GRAMD4: variants seen among roughly 807,000 people sequenced by gnomAD.
GRAMD4 encodes the protein GRAM domain containing 4, also known as GRAM domain-containing protein 4.
In GRAMD4, 25 loss-of-function variants were observed where a neutral mutation model predicts 83.9. That is an observed-to-expected ratio of 0.30 (90% CI 0.22 to 0.42). The LOEUF (loss-of-function observed/expected upper bound fraction) is 0.42, where lower values mean the gene tolerates loss of function less well. GRAMD4 is among the 10% of genes least tolerant of loss of function. The pLI is 1.00. For synonymous variants in GRAMD4, 336 were observed against 320.9 expected, an observed-to-expected ratio of 1.05 and a Z score of -0.50; for missense variants, 593 against 788.7, an observed-to-expected ratio of 0.75 and a Z score of 2.97.
chr22:46,670,813 C>T (rs956859470), intron 13 of GRAMD4, among the ~76,000 whole-genome samples: 3 of 152,090 alleles, frequency 2.0e-5, no homozygotes, highest in Non-Finnish European at 2.9e-5. Flanking sequence ...ACCATGTTGG[C>T]CAGGCTGGTA....
At chr22:46,631,245 GCCACCT>G (rs535882584) in intron 2 of GRAMD4, among the ~76,000 whole-genome samples, 124 of 152,218 alleles carry the variant, frequency 8.1e-4, no homozygotes, top group African/African-American at 2.3e-3. Context: ...TGCCACCATC[GCCACCT>G]CCACCTCCAC....
intron 1 of GRAMD4, among the ~76,000 whole-genome samples, chr22:46,581,448 G>A (rs909669179): frequency 6.6e-6 from 1 of 152,250 alleles, no homozygotes; most frequent in African/African-American, 2.4e-5. Flanking sequence ...GCACGTGGGT[G>A]GCTTTGCCCC....
chr22:46,657,819 T>G (rs934194440), intron 3 of GRAMD4, among the ~76,000 whole-genome samples: 6 of 152,130 alleles, frequency 3.9e-5, no homozygotes, highest in Non-Finnish European at 5.9e-5. Context: ...GCTGGCCAGG[T>G]GTGGTCAGCG....
In GRAMD4 at chr22:46,677,887, A is replaced by G; in HGVS notation, c.*636A>G. 1.0e-6 allele frequency: 1 copy of G among 985,152 alleles called. No homozygotes were observed. Among genetic ancestry groups the G allele is most frequent in the Non-Finnish European group, 1.2e-6 (1 of 829,658 alleles). The allele number at this position is 985,152 out of a possible 1,614,324, so 61.0% of individuals were successfully genotyped here. A position where few individuals can be genotyped will look rare whatever the true frequency, so the allele number is the denominator to read the frequency against. ...TCGCTCCACGGGAACAGAGAGGGTG[A>G]GAAGGGCCCACCCCTCGCCTGCCCT... On this transcript the variant is annotated 3_prime_UTR_variant, in exon 19 of 19. Transcript: ENST00000406902.
intron 1 of GRAMD4, among the ~76,000 whole-genome samples, chr22:46,614,878 C>CGTGTAGGTTCCCCTGTGT: frequency 7.1e-6 from 1 of 141,424 alleles, no homozygotes; most frequent in East Asian, 2.2e-4. Context: ...TTCCCCTGTG[C>CGTGTAGGTTCCCCTGTGT]GTGTAGGTTC....
chr22:46,648,779 GATGGATGGATGGATGGATGGATGC>G, intron 3 of GRAMD4, among the ~76,000 whole-genome samples: 1 of 123,290 alleles, frequency 8.1e-6, no homozygotes, highest in African/African-American at 3.4e-5. Context: ...TGGATGGATG[GATGGATGGATGGATGGATGGATGC>G]ATGGATGGAT....
chr22:46,627,083 C>A, intron 2 of GRAMD4, 122 bp downstream of exon 2: 1 of 698,804 alleles, frequency 1.4e-6, no homozygotes, highest in Non-Finnish European at 2.5e-6. Context: ...ATGGACTGGG[C>A]CTGACTCTCT....
At chr22:46,630,159 G>C (rs2081745456) in intron 2 of GRAMD4, among the ~76,000 whole-genome samples, 1 of 151,912 alleles carries the variant, frequency 6.6e-6, no homozygotes, top group South Asian at 2.1e-4. Flanking sequence ...TAAGTAGCTG[G>C]GATTACAGGC....
upstream of GRAMD4, among the ~76,000 whole-genome samples, chr22:46,616,136 G>C (rs1471712636): frequency 7.0e-6 from 1 of 142,060 alleles, no homozygotes; most frequent in Non-Finnish European, 1.5e-5. Context: ...AGGTTCCCCT[G>C]TGTGTAGGTT....
intron 2 of GRAMD4, among the ~76,000 whole-genome samples, chr22:46,631,080 C>T (rs890021559): frequency 5.3e-5 from 8 of 152,258 alleles, no homozygotes; most frequent in East Asian, 1.9e-4. Flanking sequence ...GTAGGTTGCA[C>T]GGCTTTTATT....
At chr22:46,614,895 GCATGTAGGTTCCCC>G (rs2081457797) in intron 1 of GRAMD4, among the ~76,000 whole-genome samples, 1 of 11,360 alleles carries the variant, frequency 8.8e-5, no homozygotes, top group South Asian at 3.6e-3. Context: ...GTTCCCCTGT[GCATGTAGGTTCCCC>G]TGTGCGTCTG....
chr22:46,578,034 TG>T (rs1218020751), intron 1 of GRAMD4, among the ~76,000 whole-genome samples: 1 of 152,140 alleles, frequency 6.6e-6, no homozygotes, highest in Non-Finnish European at 1.5e-5. Context: ...CTGTTGGCTG[TG>T]TGGCAGAAGG....
At chr22:46,614,658 G>A (rs1225707185) in intron 1 of GRAMD4, among the ~76,000 whole-genome samples, 1 of 152,120 alleles carries the variant, frequency 6.6e-6, no homozygotes, top group African/African-American at 2.4e-5. Context: ...GTGGGAGTCA[G>A]TTGGCTGTCC....
intron 6 of GRAMD4, among the ~76,000 whole-genome samples, chr22:46,663,590 G>A (rs1438977483): frequency 1.3e-5 from 2 of 152,240 alleles, no homozygotes; most frequent in African/African-American, 4.8e-5. Flanking sequence ...ACACAGGCAG[G>A]AGATGAGGGG....
intron 13 of GRAMD4, among the ~76,000 whole-genome samples, chr22:46,669,150 G>T (rs1395723315): frequency 1.3e-5 from 2 of 152,158 alleles, no homozygotes; most frequent in African/African-American, 2.4e-5. Context: ...CCTGCAAAGT[G>T]GGAGGAGCTG....
Position 46,657,775 on chromosome 22 carries a change from C to T in GRAMD4, c.284-412C>T, listed in dbSNP as rs568169145. Among the ~76,000 whole-genome samples, 8 of 152,330 alleles carry T rather than the reference C, an allele frequency of 5.3e-5. 1 individual carries two copies. In the South Asian group the frequency reaches 1.4e-3, roughly 28 times the overall value. ...GCTGCCGACGCGTCCCAGAACCTCA[C>T]CCAGCACATGGAGGCGCTGGGTGGG... On this transcript the variant is annotated intron_variant, in intron 3 of 18. Coordinates refer to ENST00000406902, the MANE Select transcript of GRAMD4 (RefSeq NM_015124.5).
chr22:46,663,388 A>G (rs2082359863), intron 6 of GRAMD4, among the ~76,000 whole-genome samples: 1 of 152,208 alleles, frequency 6.6e-6, no homozygotes, highest in South Asian at 2.1e-4. Context: ...GCATGCGCGC[A>G]CTGCTCTCAG....
intron 18 of GRAMD4, 74 bp from the exon 19 acceptor site, chr22:46,677,073 G>A (rs1314408566): frequency 3.8e-6 from 6 of 1,578,114 alleles, no homozygotes; most frequent in South Asian, 2.2e-5. Context: ...GCTGGTGTTG[G>A]ACTTCGTCTC....
downstream of GRAMD4, among the ~76,000 whole-genome samples, chr22:46,682,637 T>A (rs570156061): frequency 3.3e-5 from 5 of 152,346 alleles, no homozygotes; most frequent in South Asian, 1.0e-3. Context: ...TACATGGACT[T>A]CTTTGCCTTT....
Sources: allele counts gnomAD v4.1 joint callset (sites outside exome capture counted in the v4.1 genomes callset), GRCh38; gene constraint gnomAD v4.1.1; transcripts MANE v1.5; gene names NCBI Gene and HGNC (gene_info 2026-07-23, HGNC 2026-07-21).